RBFOX3: variants seen among roughly 807,000 people sequenced by gnomAD.
RBFOX3 encodes the protein RNA binding fox-1 homolog 3.
In RBFOX3, 17 loss-of-function variants were observed where a neutral mutation model predicts 48.7. The ratio of observed to expected loss-of-function variants is 0.35; its 90% CI spans 0.24 to 0.52. RBFOX3 has a LOEUF of 0.52. Among genes scored for constraint, RBFOX3 ranks in the 20% least tolerant of loss-of-function variants. The probability of loss-of-function intolerance (pLI) is 0.94; values close to 1 mark genes in which losing one functional copy is unlikely to be tolerated. For missense variants in RBFOX3, 382 were observed against 497.5 expected (o/e 0.77, Z 2.21); for synonymous variants, 212 against 209.5 (o/e 1.01, Z -0.10).
At chr17:79,107,422 A>AC (rs1385773832) in intron 5 of RBFOX3, among the ~76,000 whole-genome samples, 1 of 152,222 alleles carries the variant, frequency 6.6e-6, no homozygotes, top group East Asian at 1.9e-4. Context: ...TGGTGGGCAG[A>AC]TGGGCTCCCA....
At chr17:79,503,837 G>A (rs1024785647) in intron 1 of RBFOX3, among the ~76,000 whole-genome samples, 1 of 152,232 alleles carries the variant, frequency 6.6e-6, no homozygotes, top group Non-Finnish European at 1.5e-5. Context: ...CTGAAGGAGG[G>A]TGTTTGCCTG....
chr17:79,314,638 T>C (rs917927216), intron 2 of RBFOX3, among the ~76,000 whole-genome samples: 1 of 133,666 alleles, frequency 7.5e-6, no homozygotes, highest in Non-Finnish European at 1.7e-5. Flanking sequence ...CCACAGTAGA[T>C]AAAAGGAACG....
At chr17:79,375,293 G>A (rs1280110306) in intron 2 of RBFOX3, among the ~76,000 whole-genome samples, 1 of 151,710 alleles carries the variant, frequency 6.6e-6, no homozygotes, top group East Asian at 1.9e-4. Context: ...GTGGAAGGCT[G>A]GATGGGTAAA....
chr17:79,392,285 G>A lies in RBFOX3; in HGVS notation c.-174-84461C>T, dbSNP rs1270757232. ...AGCAGAGAGAGGCAGCTCAGCACAC[G>A]GACCTTGCAGCCAGTTGGCCCTGAA... On this transcript the variant is annotated intron_variant, in intron 2 of 14. Coordinates refer to ENST00000693108, the MANE Select transcript of RBFOX3 (RefSeq NM_001350451.2). The surrounding 1 kb of genome is among the most constrained non-coding windows in gnomAD (Gnocchi z 5.0). 6.6e-5 allele frequency among the ~76,000 whole-genome samples: 10 copies of A among 152,220 alleles called. No homozygotes were observed. The highest frequency in any genetic ancestry group is 3.9e-4 in the Admixed American group (6 of 15,288).
rs2071629416 is a variant in RBFOX3 at position 79,443,652 on chromosome 17, G to C, written c.-175+38802C>G. Among the ~76,000 whole-genome samples, 1 of 152,154 alleles carries C rather than the reference G, an allele frequency of 6.6e-6. No homozygotes were observed. Among genetic ancestry groups the C allele is most frequent in the Non-Finnish European group, 1.5e-5 (1 of 68,024 alleles). ...CCCGCCTCGGCCTCCCAAAGTGCTG[G>C]GATTACAGGCATGAGCCACCGCACC... is the stretch of plus-strand genomic sequence containing the variant. On this transcript the variant is annotated intron_variant, in intron 2 of 14. Transcript: ENST00000693108. This position sits in a 1 kb window ranked among gnomAD's most constrained non-coding sequence, Gnocchi z 4.4.
Position 79,198,302 on chromosome 17 carries a change from G to C in RBFOX3, c.-34+37464C>G, listed in dbSNP as rs1475397843. ...TGCACCTCTCCATCCCACATGAGGC[G>C]ACCTTGCAGGCACAGGTGCGGACAG... On this transcript the variant is annotated intron_variant, in intron 4 of 14. Transcript: ENST00000693108. The surrounding 1 kb of genome is among the most constrained non-coding windows in gnomAD (Gnocchi z 8.2). Among the ~76,000 whole-genome samples the C allele has an allele frequency of 2.0e-5, 3 of 152,218 alleles. No individual in the cohort carries two copies. Among genetic ancestry groups the C allele is most frequent in the Non-Finnish European group, 4.4e-5 (3 of 68,042 alleles).
chr17:79,393,970 C>T (rs2061679282), intron 2 of RBFOX3, among the ~76,000 whole-genome samples: 2 of 151,572 alleles, frequency 1.3e-5, no homozygotes, highest in African/African-American at 2.4e-5. Flanking sequence ...CCACGCACAT[C>T]GTCTGAGCCA....
chr17:79,567,464 C>T (rs1427355918), intron 1 of RBFOX3, among the ~76,000 whole-genome samples: 2 of 152,104 alleles, frequency 1.3e-5, no homozygotes, highest in Admixed American at 6.5e-5. Flanking sequence ...GGATTACAGG[C>T]GTGAGCCACC....
At chr17:79,197,491 C>T (rs993999389) in intron 4 of RBFOX3, among the ~76,000 whole-genome samples, 1 of 150,232 alleles carries the variant, frequency 6.7e-6, no homozygotes, top group African/African-American at 2.5e-5. Context: ...CAGGTTCGAG[C>T]GATTCTCCTG....
intron 2 of RBFOX3, among the ~76,000 whole-genome samples, chr17:79,322,912 C>T (rs2078758496): frequency 6.6e-6 from 1 of 152,236 alleles, no homozygotes; most frequent in African/African-American, 2.4e-5. Context: ...TGCAAAGCAC[C>T]CAGACAAGCG....
At chr17:79,495,544 GT>G (rs1217117264) in intron 1 of RBFOX3, among the ~76,000 whole-genome samples, 4 of 16,482 alleles carry the variant, frequency 2.4e-4, no homozygotes, top group Non-Finnish European at 4.0e-4. Context: ...GGGTGGGGAG[GT>G]GGGGGCAGGG....
At chr17:79,570,717 A>G (rs2092645080) in intron 1 of RBFOX3, among the ~76,000 whole-genome samples, 1 of 152,018 alleles carries the variant, frequency 6.6e-6, no homozygotes, top group East Asian at 1.9e-4. Flanking sequence ...CCCTGACTCC[A>G]CACTCTAGGG....
intron 2 of RBFOX3, among the ~76,000 whole-genome samples, chr17:79,368,518 CGCACCT>C (rs2058096428): frequency 1.3e-5 from 2 of 152,238 alleles, no homozygotes. Context: ...ACCGGTTCCC[CGCACCT>C]GCTGCCTTGG....
intron 2 of RBFOX3, among the ~76,000 whole-genome samples, chr17:79,366,694 C>A (rs1274756820): frequency 1.3e-5 from 2 of 152,224 alleles, no homozygotes; most frequent in Admixed American, 6.5e-5. Flanking sequence ...ATGCAGGGCC[C>A]CAGCCCAGCA....
intron 2 of RBFOX3, among the ~76,000 whole-genome samples, chr17:79,463,920 T>C (rs34249161): frequency 0.4 from 50,751 of 125,360 alleles, 9,114 homozygotes; most frequent in Admixed American, 0.46. Flanking sequence ...CCACCACCAT[T>C]GCCACTGCCA....
intron 4 of RBFOX3, among the ~76,000 whole-genome samples, chr17:79,118,847 C>T (rs2034864189): frequency 1.3e-5 from 2 of 151,132 alleles, no homozygotes; most frequent in African/African-American, 4.9e-5. Context: ...TGTGGTGGCA[C>T]ATGCCTCTAG....
intron 3 of RBFOX3, among the ~76,000 whole-genome samples, chr17:79,302,614 G>A (rs376735214): frequency 3.3e-5 from 5 of 152,082 alleles, no homozygotes; most frequent in African/African-American, 7.2e-5. Context: ...CTGGGATTGC[G>A]CCATTGCACT....
chr17:79,530,411 T>TATGA (rs1235830583), intron 1 of RBFOX3, among the ~76,000 whole-genome samples: 1 of 151,508 alleles, frequency 6.6e-6, no homozygotes, highest in East Asian at 1.9e-4. Flanking sequence ...TGCCAAAGAG[T>TATGA]ATGAAATGCG....
intron 4 of RBFOX3, among the ~76,000 whole-genome samples, chr17:79,228,663 G>T (rs1398312168): frequency 3.3e-5 from 5 of 152,210 alleles, no homozygotes; most frequent in Non-Finnish European, 2.9e-5. Flanking sequence ...TGCCCAGGCT[G>T]CATCCCTGAC....
Sources: allele counts gnomAD v4.1 joint callset (sites outside exome capture counted in the v4.1 genomes callset), GRCh38; gene constraint gnomAD v4.1.1; non-coding constraint Gnocchi (gnomAD v3.1); transcripts MANE v1.5; gene names NCBI Gene and HGNC (gene_info 2026-07-23, HGNC 2026-07-21).